The following WWC1 variants were observed in gnomAD, a reference collection of about 807,000 sequenced individuals.
The protein encoded by WWC1 is protein KIBRA.
Under a neutral mutation model 138.4 loss-of-function variants are expected in WWC1, and 55 were observed. The ratio of observed to expected loss-of-function variants is 0.40; its 90% CI spans 0.32 to 0.50. WWC1 has a LOEUF of 0.50. Among genes scored for constraint, WWC1 ranks in the 20% least tolerant of loss-of-function variants. The pLI, the probability that WWC1 is intolerant of heterozygous loss-of-function variation, is 0.72. For synonymous variants in WWC1, 524 were observed against 564.9 expected (o/e 0.93, Z 1.03); for missense variants, 1,226 against 1,420.4 (o/e 0.86, Z 2.20).
chr5:168,356,024 G>A (rs1775383395), intron 1 of WWC1, among the ~76,000 whole-genome samples: 2 of 152,166 alleles, frequency 1.3e-5, no homozygotes, highest in South Asian at 2.1e-4. Context: ...CTTCTGGAAA[G>A]CCCCAGGTGA....
At chr5:168,407,076 GC>G (rs1296022919) in intron 6 of WWC1, among the ~76,000 whole-genome samples, 1 of 152,134 alleles carries the variant, frequency 6.6e-6, no homozygotes, top group East Asian at 1.9e-4. Context: ...ACAGGCTTGA[GC>G]CAGCGCACCT....
At chr5:168,325,858 A>T (rs1772486062) in intron 1 of WWC1, among the ~76,000 whole-genome samples, 1 of 152,014 alleles carries the variant, frequency 6.6e-6, no homozygotes, top group Non-Finnish European at 1.5e-5. Context: ...TGGCTCTATG[A>T]GTTTGACTAC....
chr5:168,352,645 A>G (rs1451528237), intron 1 of WWC1, among the ~76,000 whole-genome samples: 1 of 151,200 alleles, frequency 6.6e-6, no homozygotes, highest in Non-Finnish European at 1.5e-5. Flanking sequence ...GTGCAGTAGC[A>G]TGATCTCGGC....
At chr5:168,325,398 CT>C (rs1232441317) in intron 1 of WWC1, among the ~76,000 whole-genome samples, 3 of 152,108 alleles carry the variant, frequency 2.0e-5, no homozygotes, top group Non-Finnish European at 2.9e-5. Context: ...TCTGGGTGTC[CT>C]AGGACACAGG....
chr5:168,292,379 C>T lies in WWC1; in HGVS notation c.119+108C>T, dbSNP rs975637288. On this transcript the variant is annotated intron_variant, in intron 1 of 22. Coordinates refer to ENST00000265293, the MANE Select transcript of WWC1 (RefSeq NM_015238.3). The surrounding 1 kb of genome is among the most constrained non-coding windows in gnomAD (Gnocchi z 4.4). The stretch of plus-strand genomic sequence containing the variant: ...GAGGGGGCAGGGGAGCTCTGCGTGC[C>T]TCTTGAGCTCTCTTCAGTTCGCCAC... 1.6e-5 allele frequency: 21 copies of T among 1,291,586 alleles called. No homozygotes were observed. The highest frequency in any genetic ancestry group is 2.2e-5 in the Non-Finnish European group (21 of 944,114). The allele number at this position is 1,291,586 out of a possible 1,614,324, so 80.0% of individuals were successfully genotyped here.
At chr5:168,407,960 T>G (rs1779927972) in intron 6 of WWC1, among the ~76,000 whole-genome samples, 1 of 150,806 alleles carries the variant, frequency 6.6e-6, no homozygotes, top group African/African-American at 2.4e-5. Flanking sequence ...ACTCCTGGGC[T>G]CAAGCAATCC....
At chr5:168,381,089 G>A (rs1406276807) in intron 2 of WWC1, among the ~76,000 whole-genome samples, 1 of 152,160 alleles carries the variant, frequency 6.6e-6, no homozygotes, top group Non-Finnish European at 1.5e-5. Flanking sequence ...TGATTCCAGT[G>A]TGCAACCAGT....
chr5:168,465,019 G>C, intron 21 of WWC1, 57 bp downstream of exon 21: 2 of 1,580,144 alleles, frequency 1.3e-6, no homozygotes, highest in African/African-American at 1.3e-5. Flanking sequence ...GAGTCGGGGG[G>C]CACTGCCCCG....
At chr5:168,455,264 G>A in intron 18 of WWC1, 92 bp from the exon 19 acceptor site, 3 of 1,427,774 alleles carry the variant, frequency 2.1e-6, no homozygotes, top group Non-Finnish European at 2.8e-6. Flanking sequence ...AAGGTGAGGT[G>A]ACAGGAGGGA....
At chr5:168,357,358 A>G (rs1775511086) in intron 1 of WWC1, among the ~76,000 whole-genome samples, 1 of 151,328 alleles carries the variant, frequency 6.6e-6, no homozygotes, top group South Asian at 2.1e-4. Flanking sequence ...GGAAATTCAT[A>G]CATTCTCCCC....
intron 21 of WWC1, among the ~76,000 whole-genome samples, chr5:168,465,844 C>T (rs936432391): frequency 1.3e-5 from 2 of 152,158 alleles, no homozygotes; most frequent in African/African-American, 4.8e-5. Context: ...AGGCATGAGC[C>T]AGCGTGCCTA....
chr5:168,432,018 C>T (rs1375061100), intron 15 of WWC1, among the ~76,000 whole-genome samples: 1 of 146,504 alleles, frequency 6.8e-6, no homozygotes, highest in Admixed American at 6.9e-5. Context: ...CCGCAGCATT[C>T]TGGCCTGGGC....
At chr5:168,433,045 T>G (rs1227747986) in intron 15 of WWC1, among the ~76,000 whole-genome samples, 1 of 152,250 alleles carries the variant, frequency 6.6e-6, no homozygotes, top group East Asian at 1.9e-4. Flanking sequence ...GGCCACATCC[T>G]TGGATTGTGG....
intron 2 of WWC1, among the ~76,000 whole-genome samples, chr5:168,374,512 C>T (rs953670936): frequency 2.6e-5 from 4 of 151,940 alleles, no homozygotes; most frequent in Non-Finnish European, 4.4e-5. Flanking sequence ...TCACATTTAG[C>T]GGTCAAGGGA....
At chr5:168,371,376 T>C (rs1390021783) in intron 1 of WWC1, 48 bp from the exon 2 acceptor site, 2 of 1,457,302 alleles carry the variant, frequency 1.4e-6, no homozygotes, top group Non-Finnish European at 1.9e-6. Flanking sequence ...GTTGCAGGCA[T>C]TTGGGGACTG....
At chr5:168,397,289 C>A (rs745828874) in intron 3 of WWC1, among the ~76,000 whole-genome samples, 1 of 151,816 alleles carries the variant, frequency 6.6e-6, no homozygotes, top group Non-Finnish European at 1.5e-5. Context: ...ACTACAGGCG[C>A]CCACCACCAT....
intron 15 of WWC1, among the ~76,000 whole-genome samples, chr5:168,433,660 C>T (rs892477588): frequency 1.3e-5 from 2 of 152,296 alleles, no homozygotes; most frequent in South Asian, 2.1e-4. Flanking sequence ...GCCTTAGACT[C>T]CAGAGTAGCT....
At chr5:168,466,726 A>G (rs371211373) in intron 21 of WWC1, among the ~76,000 whole-genome samples, 1 of 152,276 alleles carries the variant, frequency 6.6e-6, no homozygotes, top group Non-Finnish European at 1.5e-5. Flanking sequence ...ATATATCCCA[A>G]ATCTAAAGTA....
At chr5:168,428,270 T>C in intron 12 of WWC1, 129 bp downstream of exon 12, 1 of 839,558 alleles carries the variant, frequency 1.2e-6, no homozygotes, top group Non-Finnish European at 1.8e-6. Context: ...CAAGAGGGCA[T>C]GACCCCACCT....
Sources: allele counts gnomAD v4.1 joint callset (sites outside exome capture counted in the v4.1 genomes callset), GRCh38; gene constraint gnomAD v4.1.1; non-coding constraint Gnocchi (gnomAD v3.1); transcripts MANE v1.5; gene names NCBI Gene and HGNC (gene_info 2026-07-23, HGNC 2026-07-21).